YWHAE: variants seen among roughly 807,000 people sequenced by gnomAD.
The protein encoded by YWHAE is 14-3-3 protein epsilon.
Under a neutral mutation model 30.1 loss-of-function variants are expected in YWHAE, and 4 were observed. The observed-to-expected ratio is 0.13, with a 90% CI of 0.07 to 0.30. The LOEUF (loss-of-function observed/expected upper bound fraction) is 0.30, where lower values mean the gene tolerates loss of function less well. Among genes scored for constraint, YWHAE ranks in the 10% least tolerant of loss-of-function variants. YWHAE has a pLI of 1.00. For synonymous variants in YWHAE, 118 were observed against 111.8 expected (o/e 1.06, Z -0.35); for missense variants, 121 against 315.9 (o/e 0.38, Z 4.68).
intron 1 of YWHAE, among the ~76,000 whole-genome samples, chr17:1,386,325 T>C (rs534169081): frequency 1.3e-5 from 2 of 152,158 alleles, no homozygotes; most frequent in Non-Finnish European, 1.5e-5. Context: ...CCAGACACCA[T>C]TGGTGCTAAT....
intron 1 of YWHAE, among the ~76,000 whole-genome samples, chr17:1,368,271 G>A (rs1054036061): frequency 6.6e-6 from 1 of 152,016 alleles, no homozygotes; most frequent in African/African-American, 2.4e-5. Context: ...CCAGCTACTC[G>A]AGGCTGAGGC....
At chr17:1,359,805 T>G (rs1276191741) in intron 4 of YWHAE, among the ~76,000 whole-genome samples, 1 of 134,208 alleles carries the variant, frequency 7.5e-6, no homozygotes, top group African/African-American at 2.9e-5. Context: ...TCGGTGCCAC[T>G]AAATTGTTGT....
chr17:1,384,866 CCTGG>C (rs1021834667), intron 1 of YWHAE, among the ~76,000 whole-genome samples: 4 of 152,018 alleles, frequency 2.6e-5, no homozygotes, highest in Admixed American at 2.6e-4. Context: ...CGCCACGAAG[CCTGG>C]CTAATTTTTT....
intron 4 of YWHAE, among the ~76,000 whole-genome samples, chr17:1,358,616 A>C (rs1295619881): frequency 6.6e-6 from 1 of 151,708 alleles, no homozygotes; most frequent in Non-Finnish European, 1.5e-5. Context: ...GGCTGAGGTC[A>C]GGAGTTTGAG....
chr17:1,376,718 G>A (rs994164585), intron 1 of YWHAE, among the ~76,000 whole-genome samples: 6 of 152,078 alleles, frequency 3.9e-5, no homozygotes, highest in Non-Finnish European at 8.8e-5. Flanking sequence ...AACAGTTTCT[G>A]ATAAACACAA....
Position 1,389,616 on chromosome 17 carries a change from C to T in YWHAE, c.64+10431G>A, listed in dbSNP as rs535848204. ...CGCGATCCTGGCTCACTGCAAGCTCCGCCTCCCGGGTTCATGCCATTCTCC... is the reference window on the plus strand; with the variant it reads ...CGCGATCCTGGCTCACTGCAAGCTCTGCCTCCCGGGTTCATGCCATTCTCC... On this transcript the variant is annotated intron_variant, in intron 1 of 5. Coordinates refer to ENST00000264335, the MANE Select transcript of YWHAE (RefSeq NM_006761.5). Among the ~76,000 whole-genome samples, 374 of 151,340 alleles carry T rather than the reference C, an allele frequency of 2.5e-3. 1 individual carries two copies. The highest frequency in any genetic ancestry group is 8.4e-3 in the African/African-American group (344 of 41,190).
In YWHAE at chr17:1,384,573, C is replaced by G. The variant is rs376162706; in HGVS notation, c.64+15474G>C. On this transcript the variant is annotated intron_variant, in intron 1 of 5. Coordinates refer to ENST00000264335, the MANE Select transcript of YWHAE (RefSeq NM_006761.5). ...CCAGGCATGGTGGCAGGCACCTGTA[C>G]TCCCAGCTACTCAGGAGGCTGAGGC... Among the ~76,000 whole-genome samples the G allele has an allele frequency of 2.0e-4, 30 of 151,992 alleles. 1 individual carries two copies. Among genetic ancestry groups the G allele is most frequent in the African/African-American group, 5.5e-4 (23 of 41,452 alleles).
At chr17:1,400,004 G>A (rs115461298) in intron 1 of YWHAE, 43 bp downstream of exon 1, 9 of 1,611,160 alleles carry the variant, frequency 5.6e-6, no homozygotes, top group South Asian at 1.1e-5. Context: ...GGCGGCGGCA[G>A]AGGGTCCGAG....
chr17:1,390,780 G>T (rs35831407), intron 1 of YWHAE, among the ~76,000 whole-genome samples: 5,443 of 152,218 alleles, frequency 0.036, 120 homozygotes, highest in East Asian at 0.052. Flanking sequence ...ATAAAATCCT[G>T]ATCTGATCAC....
intron 1 of YWHAE, among the ~76,000 whole-genome samples, chr17:1,374,485 A>C (rs751284479): frequency 2.0e-5 from 3 of 152,200 alleles, no homozygotes; most frequent in Non-Finnish European, 4.4e-5. Flanking sequence ...ATCACATGGT[A>C]ACTAGCTTTT....
chr17:1,363,668 A>G (rs2072897689), intron 2 of YWHAE, among the ~76,000 whole-genome samples: 1 of 152,178 alleles, frequency 6.6e-6, no homozygotes, highest in Non-Finnish European at 1.5e-5. Context: ...GTGCCATTTT[A>G]AAGATTTCAT....
At chr17:1,355,691 A>G (rs1232940937) in intron 4 of YWHAE, among the ~76,000 whole-genome samples, 1 of 152,188 alleles carries the variant, frequency 6.6e-6, no homozygotes, top group Non-Finnish European at 1.5e-5. Context: ...ATCTAAGTCC[A>G]CATCAACTTA....
At chr17:1,363,386 C>T (rs553330217) in intron 2 of YWHAE, among the ~76,000 whole-genome samples, 34 of 152,278 alleles carry the variant, frequency 2.2e-4, no homozygotes, top group Middle Eastern at 3.4e-3. Flanking sequence ...CTGTCTCAGC[C>T]TCCCGAGTAG....
At chr17:1,385,144 C>CAAAAAAAAAAAAAAA (rs56023639) in intron 1 of YWHAE, among the ~76,000 whole-genome samples, 2 of 86,820 alleles carry the variant, frequency 2.3e-5, no homozygotes, top group African/African-American at 4.3e-5. Context: ...GACTCTGTCT[C>CAAAAAAAAAAAAAAA]AAAAAAAAAA....
In YWHAE at chr17:1,345,312, C is replaced by G; in HGVS notation, c.*135G>C. The G allele has an allele frequency of 5.1e-6, 3 of 590,074 alleles. No individual in the cohort carries two copies. The highest frequency in any genetic ancestry group is 3.4e-5 in the Admixed American group (1 of 29,664). 36.6% of individuals were successfully genotyped at this position (590,074 alleles called of 1,614,324 possible). A position where few individuals can be genotyped will look rare whatever the true frequency, so the allele number is the denominator to read the frequency against. Reference sequence around the variant, plus strand: ...TTTAAAAAAAAAAAAAAAAAACCAACAGGGCAGGAACCTAAATTCTGAGAC... The same window carrying G: ...TTTAAAAAAAAAAAAAAAAAACCAAGAGGGCAGGAACCTAAATTCTGAGAC... On this transcript the variant is annotated 3_prime_UTR_variant, in exon 6 of 6. Transcript: ENST00000264335.
intron 1 of YWHAE, among the ~76,000 whole-genome samples, chr17:1,367,485 T>C (rs1295171728): frequency 1.3e-5 from 2 of 152,084 alleles, no homozygotes; most frequent in Non-Finnish European, 2.9e-5. Context: ...TCTCAACTAC[T>C]CAGGAGATTA....
At chr17:1,373,925 T>C (rs2073084947) in intron 1 of YWHAE, among the ~76,000 whole-genome samples, 1 of 152,166 alleles carries the variant, frequency 6.6e-6, no homozygotes, top group African/African-American at 2.4e-5. Context: ...TGGAGTCGGC[T>C]GTGACTGGCT....
At chr17:1,376,358 A>AAGAC (rs67056665) in intron 1 of YWHAE, among the ~76,000 whole-genome samples, 12 of 151,606 alleles carry the variant, frequency 7.9e-5, no homozygotes, top group African/African-American at 1.7e-4. Context: ...AAAGACAAGA[A>AAGAC]AGACAGACAG....
chr17:1,365,087 T>A (rs768768135), intron 1 of YWHAE, 29 bp from the exon 2 acceptor site: 3 of 1,599,050 alleles, frequency 1.9e-6, no homozygotes, highest in Non-Finnish European at 2.6e-6. Context: ...AGTCAGACCT[T>A]ACAAATTTGA....
Sources: allele counts gnomAD v4.1 joint callset (sites outside exome capture counted in the v4.1 genomes callset), GRCh38; gene constraint gnomAD v4.1.1; transcripts MANE v1.5; gene names NCBI Gene and HGNC (gene_info 2026-07-23, HGNC 2026-07-21).